Variants in RAB11FIP5 observed in about 807,000 individuals in gnomAD.
The protein encoded by RAB11FIP5 is RAB11 family interacting protein 5.
In RAB11FIP5, 48 loss-of-function variants were observed where a neutral mutation model predicts 85.1. The observed-to-expected ratio is 0.56, with a 90% CI of 0.45 to 0.72. The LOEUF is 0.72. Ranked by LOEUF, RAB11FIP5 falls within the 30% of genes least tolerant of loss-of-function variation. The probability of loss-of-function intolerance (pLI) is 0.00; values close to 1 mark genes in which losing one functional copy is unlikely to be tolerated. For missense variants in RAB11FIP5, 1,491 were observed against 1,687.0 expected, an observed-to-expected ratio of 0.88 and a Z score of 2.04; for synonymous variants, 729 against 727.3, an observed-to-expected ratio of 1.00 and a Z score of -0.04.
intron 1 of RAB11FIP5, among the ~76,000 whole-genome samples, chr2:73,090,102 A>C (rs376128901): frequency 4.6e-5 from 7 of 152,196 alleles, no homozygotes. Context: ...CCCAAAAAGC[A>C]TATGAGGTAA....
At chr2:73,092,104 C>T (rs997765925) in intron 1 of RAB11FIP5, among the ~76,000 whole-genome samples, 20 of 152,222 alleles carry the variant, frequency 1.3e-4, no homozygotes, top group Admixed American at 1.2e-3. Context: ...AGCCCAGTGA[C>T]CACCGTGGGC....
Position 73,080,325 on chromosome 2 carries a change from C to G in RAB11FIP5, c.2907G>C (p.Leu969=). 1 of 1,232,744 alleles carries G rather than the reference C, an allele frequency of 8.1e-7. No homozygotes were observed. Among genetic ancestry groups the G allele is most frequent in the South Asian group, 4.1e-5 (1 of 24,324 alleles). The allele number at this position is 1,232,744 out of a possible 1,614,324, so 76.4% of individuals were successfully genotyped here. The change falls in exon 4 of 6, where the codon CTG becomes CTC. Residue 969 remains leucine, a synonymous_variant. Coordinates refer to ENST00000486777, the MANE Select transcript of RAB11FIP5 (RefSeq NM_001371272.1). ...EESDSCSSAT[L]LGQPGLEELV... ...GCTCTTCCAGGCCAGGCTGGCCCAGCAGGGTTGCAGAGGAGCAGCTGTCAG... is the reference window on the plus strand; with the variant it reads ...GCTCTTCCAGGCCAGGCTGGCCCAGGAGGGTTGCAGAGGAGCAGCTGTCAG...
At position 73,075,763 on chromosome 2, in the gene RAB11FIP5, G is replaced by GGCCGGCCT; in HGVS notation, c.3772-40_3772-39insAGGCCGGC. 1.3e-6 allele frequency: 2 copies of GGCCGGCCT among 1,510,324 alleles called. No individual in the cohort carries two copies. Among genetic ancestry groups the GGCCGGCCT allele is most frequent in the Non-Finnish European group, 1.8e-6 (2 of 1,123,562 alleles). The allele number at this position is 1,510,324 out of a possible 1,614,324, so 93.6% of individuals were successfully genotyped here. Reference sequence around the variant, plus strand: ...GAAGACAGTGAGCAGGGCAGCCCTAGGCCTGCCTGCCTGCCTGCCCGCTTG... The same window carrying GGCCGGCCT: ...GAAGACAGTGAGCAGGGCAGCCCTAGGCCGGCCTGCCTGCCTGCCTGCCTGCCCGCTTG... On this transcript the variant is annotated intron_variant, in intron 5 of 5. Coordinates refer to ENST00000486777, the MANE Select transcript of RAB11FIP5 (RefSeq NM_001371272.1). This position sits in a 1 kb window ranked among gnomAD's most constrained non-coding sequence, Gnocchi z 4.6.
At position 73,088,859 on chromosome 2, in the gene RAB11FIP5, G is replaced by T; in HGVS notation, c.868+20C>A. The T allele has an allele frequency of 6.5e-7, 1 of 1,547,860 alleles. No homozygotes were observed. The highest frequency in any genetic ancestry group is 8.7e-7 in the Non-Finnish European group (1 of 1,149,630). On this transcript the variant is annotated intron_variant, in intron 2 of 5. Coordinates refer to ENST00000486777, the MANE Select transcript of RAB11FIP5 (RefSeq NM_001371272.1). Reference sequence around the variant, plus strand: ...AGCCAGTGCCCCCCTCCCCAGGGCGGCGGCCCTGTGCTTGCTCACCCCCTT... The same window carrying T: ...AGCCAGTGCCCCCCTCCCCAGGGCGTCGGCCCTGTGCTTGCTCACCCCCTT...
chr2:73,112,736 G>A lies in RAB11FIP5; in HGVS notation c.42C>T (p.Ser14=). ...CCTGGACGTGCGTGGGCAGCCAGCG[G>A]GAAGGCCCCGCCGCCGGCTCCGCGC... ...VRGAEPAAGP[S]RWLPTHVQVT... The change falls in exon 1 of 6, where the codon TCC becomes TCT. Residue 14 remains serine, a synonymous_variant. Coordinates refer to ENST00000486777, the MANE Select transcript of RAB11FIP5 (RefSeq NM_001371272.1). 6.6e-7 allele frequency: 1 copy of A among 1,505,554 alleles called. No homozygotes were observed. The highest frequency in any genetic ancestry group is 8.9e-7 in the Non-Finnish European group (1 of 1,129,396). The allele number at this position is 1,505,554 out of a possible 1,614,324, so 93.3% of individuals were successfully genotyped here. A position where few individuals can be genotyped will look rare whatever the true frequency, so the allele number is the denominator to read the frequency against.
rs899312508 is a variant in RAB11FIP5 at position 73,078,003 on chromosome 2, G to A, written c.3581+1648C>T. Reference sequence around the variant, plus strand: ...ATCCATGCATTCATTCTCACAAATCGGGAAGAGTGGCAGAGCACCCATGCT... The same window carrying A: ...ATCCATGCATTCATTCTCACAAATCAGGAAGAGTGGCAGAGCACCCATGCT... On this transcript the variant is annotated intron_variant, in intron 4 of 5. Coordinates refer to ENST00000486777, the MANE Select transcript of RAB11FIP5 (RefSeq NM_001371272.1). The surrounding 1 kb of genome is among the most constrained non-coding windows in gnomAD (Gnocchi z 4.4). 3.3e-5 allele frequency among the ~76,000 whole-genome samples: 5 copies of A among 152,338 alleles called. No homozygotes were observed. The highest frequency in any genetic ancestry group is 3.4e-3 in the Middle Eastern group (1 of 292).
At chr2:73,101,833 C>G (rs988959251) in intron 1 of RAB11FIP5, among the ~76,000 whole-genome samples, 1 of 152,216 alleles carries the variant, frequency 6.6e-6, no homozygotes, top group Non-Finnish European at 1.5e-5. Flanking sequence ...CTTAAAGGCA[C>G]AGGGCATGAG....
intron 1 of RAB11FIP5, among the ~76,000 whole-genome samples, chr2:73,096,135 C>T (rs547727322): frequency 3.3e-5 from 5 of 152,208 alleles, no homozygotes; most frequent in Non-Finnish European, 7.3e-5. Context: ...CAGCCTCCCC[C>T]CACCCACCAC....
At chr2:73,098,831 G>A (rs1684374573) in intron 1 of RAB11FIP5, among the ~76,000 whole-genome samples, 1 of 152,034 alleles carries the variant, frequency 6.6e-6, no homozygotes, top group South Asian at 2.1e-4. Flanking sequence ...ATGAATTTTT[G>A]CAACAGTAGT....
At chr2:73,090,674 T>C (rs180701047) in intron 1 of RAB11FIP5, among the ~76,000 whole-genome samples, 1 of 152,322 alleles carries the variant, frequency 6.6e-6, no homozygotes, top group East Asian at 1.9e-4. Flanking sequence ...ACAAAACTAT[T>C]TGACATTCTG....
Position 73,078,936 on chromosome 2 carries a change from C to T in RAB11FIP5, c.3581+715G>A, listed in dbSNP as rs1375575622. Among the ~76,000 whole-genome samples the T allele has an allele frequency of 1.3e-5, 2 of 152,210 alleles. No individual in the cohort carries two copies. Among genetic ancestry groups the T allele is most frequent in the Non-Finnish European group, 2.9e-5 (2 of 68,038 alleles). On this transcript the variant is annotated intron_variant, in intron 4 of 5. Coordinates refer to ENST00000486777, the MANE Select transcript of RAB11FIP5 (RefSeq NM_001371272.1). This position sits in a 1 kb window ranked among gnomAD's most constrained non-coding sequence, Gnocchi z 4.4. ...AAACCTCCCAATGCCACAGTGAGCA[C>T]AGTCACACAGGCATCCGCTGTCCAC...
rs543010402 is a variant in RAB11FIP5, at chr2:73,089,580, C to A, written c.432-265G>T. 324 of 536,022 alleles carry A rather than the reference C, an allele frequency of 6.0e-4. No homozygotes were observed. Among genetic ancestry groups the A allele is most frequent in the Admixed American group, 1.6e-3 (54 of 33,452 alleles). 33.2% of individuals were successfully genotyped at this position (536,022 alleles called of 1,614,324 possible). On this transcript the variant is annotated intron_variant, in intron 1 of 5. Coordinates refer to ENST00000486777, the MANE Select transcript of RAB11FIP5 (RefSeq NM_001371272.1). This position sits in a 1 kb window ranked among gnomAD's most constrained non-coding sequence, Gnocchi z 4.6. ...CCACCAGGTAGGGCGGCGGTTACCA[C>A]ACCATGCCTCCTCCCACCCCAGGAC... is the stretch of plus-strand genomic sequence containing the variant.
intron 1 of RAB11FIP5, among the ~76,000 whole-genome samples, chr2:73,092,604 A>G (rs1461490666): frequency 6.6e-6 from 1 of 152,116 alleles, no homozygotes; most frequent in African/African-American, 2.4e-5. Context: ...CTTTGCCACA[A>G]GGACCTTTTG....
rs1365680088 is a variant in RAB11FIP5, at chr2:73,074,032, CCA to C, written c.*1487_*1488del. ...CCCATTTTTGCTAATTCAGGGTGCC[CCA>C]AGCTGCCAAAGTTCCCTGCAGATGC... On this transcript the variant is annotated 3_prime_UTR_variant, in exon 6 of 6. Coordinates refer to ENST00000486777, the MANE Select transcript of RAB11FIP5 (RefSeq NM_001371272.1). 6.6e-6 allele frequency: 1 copy of C among 152,224 alleles called. No homozygotes were observed. Among genetic ancestry groups the C allele is most frequent in the Non-Finnish European group, 1.5e-5 (1 of 68,054 alleles). 9.4% of individuals were successfully genotyped at this position (152,224 alleles called of 1,614,324 possible). A position where few individuals can be genotyped will look rare whatever the true frequency, so the allele number is the denominator to read the frequency against.
chr2:73,104,105 G>A (rs1442389134), intron 1 of RAB11FIP5, among the ~76,000 whole-genome samples: 1 of 152,148 alleles, frequency 6.6e-6, no homozygotes. Context: ...AGGGAGGGAA[G>A]AAAAAACACA....
intron 1 of RAB11FIP5, among the ~76,000 whole-genome samples, chr2:73,111,327 A>G (rs570911194): frequency 6.6e-6 from 1 of 152,248 alleles, no homozygotes; most frequent in African/African-American, 2.4e-5. Flanking sequence ...CACTCAGTGG[A>G]TGCCATTCCA....
At chr2:73,107,489 T>C (rs1215425178) in intron 1 of RAB11FIP5, among the ~76,000 whole-genome samples, 2 of 151,942 alleles carry the variant, frequency 1.3e-5, no homozygotes, top group Admixed American at 6.5e-5. Context: ...GAGAGACAGG[T>C]GGGGCAGAGA....
chr2:73,080,227 G>C lies in RAB11FIP5; in HGVS notation c.3005C>G (p.Ala1002Gly). The C allele has an allele frequency of 4.1e-6, 5 of 1,232,748 alleles. No homozygotes were observed. The highest frequency in any genetic ancestry group is 5.1e-6 in the Non-Finnish European group (5 of 988,494). The allele number at this position is 1,232,748 out of a possible 1,614,324, so 76.4% of individuals were successfully genotyped here. ...GCTCTTTGAGTGACAGGGTATGGGGGCAGGACCCTCAGGGCAGCTGGCGGG... is the reference window on the plus strand; with the variant it reads ...GCTCTTTGAGTGACAGGGTATGGGGCCAGGACCCTCAGGGCAGCTGGCGGG... ...SAPASCPEGP[A>G]PIPCHSKSLA... Residue 1002 changes from alanine (A) to glycine (G), a missense_variant, in exon 4 of 6, where the codon GCC (alanine) becomes GGC (glycine). This residue lies in a region of RAB11FIP5 where 1,211 missense variants were observed against 1,338.0 expected (regional missense o/e 0.91). Transcript: ENST00000486777.
At position 73,073,827 on chromosome 2, in the gene RAB11FIP5, A is replaced by G; in HGVS notation, c.*1694T>C. On this transcript the variant is annotated 3_prime_UTR_variant, in exon 6 of 6. Coordinates refer to ENST00000486777, the MANE Select transcript of RAB11FIP5 (RefSeq NM_001371272.1). The stretch of plus-strand genomic sequence containing the variant: ...GGTAACGTTACAGGGGCTTTCCTCC[A>G]TGTGTGGCGCTCCTCTGCTCCATCC... 6.6e-6 allele frequency: 1 copy of G among 152,322 alleles called. No individual in the cohort carries two copies. The allele number at this position is 152,322 out of a possible 1,614,324, so 9.4% of individuals were successfully genotyped here.
Sources: gnomAD v4.1 joint callset for allele counts (sites outside exome capture counted in the v4.1 genomes callset) on GRCh38, gnomAD v4.1.1 for gene constraint, gnomAD v4.1.1 regional missense constraint, Gnocchi (gnomAD v3.1) non-coding constraint, MANE v1.5 for transcripts, NCBI Gene and HGNC (gene_info 2026-07-23, HGNC 2026-07-21) for gene names.